The following STAU2 variants were observed in gnomAD, a reference collection of about 807,000 sequenced individuals.
STAU2 encodes staufen double-stranded RNA binding protein 2, also known as double-stranded RNA-binding protein Staufen homolog 2.
STAU2 carries 20 observed loss-of-function variants against 65.9 expected under a neutral mutation model. The observed-to-expected ratio is 0.30, with a 90% CI of 0.21 to 0.44. STAU2 has a LOEUF of 0.44. Ranked by LOEUF, STAU2 falls within the 20% of genes least tolerant of loss-of-function variation. The pLI is 1.00. For missense variants in STAU2, 558 were observed against 683.9 expected (o/e 0.82, Z 2.05); for synonymous variants, 232 against 233.9 (o/e 0.99, Z 0.07).
intron 13 of STAU2, among the ~76,000 whole-genome samples, chr8:73,445,950 A>G (rs936090812): frequency 1.3e-5 from 2 of 152,238 alleles, no homozygotes; most frequent in Admixed American, 6.5e-5. Context: ...TTCACTTACC[A>G]TACAACCTAG....
intron 13 of STAU2, among the ~76,000 whole-genome samples, chr8:73,470,536 G>A (rs1161314535): frequency 6.6e-6 from 1 of 152,136 alleles, no homozygotes; most frequent in African/African-American, 2.4e-5. Flanking sequence ...AGCAGCTCTC[G>A]CCTGTAATCC....
Position 73,668,163 on chromosome 8 carries a change from C to T in STAU2, c.410+4944G>A, listed in dbSNP as rs573402652. On this transcript the variant is annotated intron_variant, in intron 6 of 14. Transcript: ENST00000524300. ...ACTATCAAAAAAAAAACTTCACCTT[C>T]TTCACTACAAGTCTACAGACTATAC... is the stretch of plus-strand genomic sequence containing the variant. Among the ~76,000 whole-genome samples, 17 of 152,242 alleles carry T rather than the reference C, an allele frequency of 1.1e-4. No individual in the cohort carries two copies. The South Asian group carries it at 3.3e-3, about 30-fold the overall frequency.
intron 13 of STAU2, among the ~76,000 whole-genome samples, chr8:73,469,447 A>G (rs1819851703): frequency 6.9e-6 from 1 of 144,342 alleles, no homozygotes; most frequent in Admixed American, 7.2e-5. Context: ...TAGAACTTAA[A>G]GTATAATAAA....
At chr8:73,522,818 A>G (rs1823112260) in intron 13 of STAU2, among the ~76,000 whole-genome samples, 1 of 152,192 alleles carries the variant, frequency 6.6e-6, no homozygotes, top group East Asian at 1.9e-4. Context: ...TCAGGGTTTC[A>G]GGATGGGAAA....
intron 1 of STAU2, among the ~76,000 whole-genome samples, chr8:73,743,082 G>A (rs1806996375): frequency 6.6e-6 from 1 of 152,038 alleles, no homozygotes; most frequent in South Asian, 2.1e-4. Flanking sequence ...AAGATATACG[G>A]TCCTTTAAAG....
rs183466159 is a variant in STAU2, at chr8:73,586,781, G to A, written c.1162-3951C>T. Among the ~76,000 whole-genome samples the A allele has an allele frequency of 1.8e-4, 27 of 151,968 alleles. No individual in the cohort carries two copies. The East Asian group carries it at 5.2e-3, about 29-fold the overall frequency. ...GGAAATCAAAAATAAAATAGCTGAT[G>A]TGAAAATGTCAGAGAGGGACTAGAA... On this transcript the variant is annotated intron_variant, in intron 11 of 14. Transcript: ENST00000524300.
intron 6 of STAU2, among the ~76,000 whole-genome samples, chr8:73,628,325 G>A (rs1190086644): frequency 6.6e-6 from 1 of 151,814 alleles, no homozygotes; most frequent in African/African-American, 2.4e-5. Context: ...TCCCAACTCG[G>A]GCGCCCAAAG....
intron 13 of STAU2, among the ~76,000 whole-genome samples, chr8:73,487,805 A>G (rs1820990878): frequency 1.3e-5 from 2 of 152,096 alleles, no homozygotes. Flanking sequence ...GGGATCCAAG[A>G]AAGGAGAGGT....
At chr8:73,535,604 G>A (rs1178514380) in intron 13 of STAU2, among the ~76,000 whole-genome samples, 8 of 152,168 alleles carry the variant, frequency 5.3e-5, no homozygotes, top group African/African-American at 1.9e-4. Flanking sequence ...AACACTAAGT[G>A]ATTCTTTAAC....
At chr8:73,520,177 A>G (rs1310359334) in intron 13 of STAU2, among the ~76,000 whole-genome samples, 2 of 152,264 alleles carry the variant, frequency 1.3e-5, no homozygotes, top group African/African-American at 2.4e-5. Context: ...GATTGGAGAC[A>G]TAGGCAAAGA....
intron 6 of STAU2, chr8:73,668,998 C>T (rs1201366033): frequency 1.3e-5 from 9 of 698,550 alleles, no homozygotes; most frequent in Non-Finnish European, 2.1e-5. Context: ...TTGGACTTCA[C>T]CTTTCATTCC....
chr8:73,740,551 G>A (rs1806778641), intron 1 of STAU2, among the ~76,000 whole-genome samples: 1 of 152,012 alleles, frequency 6.6e-6, no homozygotes, highest in South Asian at 2.1e-4. Flanking sequence ...CTTTCAATAG[G>A]AATGGAGTAT....
chr8:73,576,017 T>C (rs1809519943), intron 12 of STAU2, among the ~76,000 whole-genome samples: 1 of 152,078 alleles, frequency 6.6e-6, no homozygotes, highest in Non-Finnish European at 1.5e-5. Context: ...AAAAATGAAA[T>C]TGAAGGTAAA....
intron 3 of STAU2, among the ~76,000 whole-genome samples, chr8:73,728,903 T>C (rs1474092872): frequency 1.3e-5 from 2 of 152,198 alleles, no homozygotes; most frequent in Non-Finnish European, 2.9e-5. Context: ...CAAATCTGTA[T>C]GTCTTTGTTT....
At chr8:73,614,710 TAAG>T (rs1242739052) in intron 8 of STAU2, among the ~76,000 whole-genome samples, 1 of 152,104 alleles carries the variant, frequency 6.6e-6, no homozygotes, top group African/African-American at 2.4e-5. Context: ...CAAGAACACC[TAAG>T]AATAATAAAA....
intron 13 of STAU2, among the ~76,000 whole-genome samples, chr8:73,542,644 A>C (rs1458445671): frequency 6.6e-6 from 1 of 152,186 alleles, no homozygotes; most frequent in African/African-American, 2.4e-5. Flanking sequence ...GGAAAATCCC[A>C]ATTAGAAACT....
chr8:73,628,438 G>A (rs962113542), intron 6 of STAU2, among the ~76,000 whole-genome samples: 14 of 152,154 alleles, frequency 9.2e-5, no homozygotes, highest in South Asian at 6.2e-4. Context: ...AGAATCTTAC[G>A]TACTAAAAAC....
chr8:73,701,196 T>A (rs1820074867), intron 4 of STAU2, among the ~76,000 whole-genome samples: 1 of 151,882 alleles, frequency 6.6e-6, no homozygotes, highest in Non-Finnish European at 1.5e-5. Flanking sequence ...TAAGGAAAAT[T>A]TTCAGGATGC....
At chr8:73,489,180 A>C (rs1378716469) in intron 13 of STAU2, among the ~76,000 whole-genome samples, 1 of 152,004 alleles carries the variant, frequency 6.6e-6, no homozygotes, top group African/African-American at 2.4e-5. Context: ...CTTTATATGC[A>C]AGCACAATGA....
Sources: gnomAD v4.1 joint callset for allele counts (sites outside exome capture counted in the v4.1 genomes callset) on GRCh38, gnomAD v4.1.1 for gene constraint, MANE v1.5 for transcripts, NCBI Gene and HGNC (gene_info 2026-07-23, HGNC 2026-07-21) for gene names.